The following KITLG variants were observed in gnomAD, a reference collection of about 807,000 sequenced individuals.
The protein encoded by KITLG is c-Kit ligand.
A neutral mutation model predicts 34.1 loss-of-function variants in KITLG; 13 were observed. The ratio of observed to expected loss-of-function variants is 0.38; its 90% CI spans 0.25 to 0.61. KITLG has a LOEUF of 0.61. Ranked by LOEUF, KITLG falls within the 20% of genes least tolerant of loss-of-function variation. The probability of loss-of-function intolerance (pLI) is 0.60; values close to 1 mark genes in which losing one functional copy is unlikely to be tolerated. For synonymous variants in KITLG, 110 were observed against 104.0 expected (o/e 1.06, Z -0.35); for missense variants, 292 against 318.9 (o/e 0.92, Z 0.64).
At chr12:88,564,154 G>T (rs1871374195) in intron 1 of KITLG, 1 of 152,016 alleles carries the variant, frequency 6.6e-6, no homozygotes, top group Non-Finnish European at 1.5e-5. Context: ...GGTAGACTTG[G>T]GAAGATTATT....
intron 1 of KITLG, among the ~76,000 whole-genome samples, chr12:88,557,620 C>G (rs1451384385): frequency 6.6e-6 from 1 of 152,084 alleles, no homozygotes; most frequent in Non-Finnish European, 1.5e-5. Context: ...ACTAAAAACG[C>G]CATTTCTCAG....
intron 6 of KITLG, among the ~76,000 whole-genome samples, chr12:88,510,632 C>A (rs776009334): frequency 6.6e-6 from 1 of 152,184 alleles, no homozygotes; most frequent in African/African-American, 2.4e-5. Context: ...TTTAAACATT[C>A]TCTTTGCTTA....
At chr12:88,545,557 C>A (rs915793527) in intron 2 of KITLG, among the ~76,000 whole-genome samples, 195 bp downstream of exon 2, 3 of 152,148 alleles carry the variant, frequency 2.0e-5, no homozygotes, top group African/African-American at 7.2e-5. Flanking sequence ...CCAGTTTTAC[C>A]AACAAATTAT....
At chr12:88,557,134 T>C (rs147882411) in intron 1 of KITLG, among the ~76,000 whole-genome samples, 41 of 151,802 alleles carry the variant, frequency 2.7e-4, no homozygotes, top group African/African-American at 9.4e-4. Flanking sequence ...CCTGAAAGAG[T>C]GGGACTAAAA....
At chr12:88,515,240 AAT>A (rs972117201) in intron 6 of KITLG, among the ~76,000 whole-genome samples, 1 of 151,822 alleles carries the variant, frequency 6.6e-6, no homozygotes, top group Non-Finnish European at 1.5e-5. Context: ...TTCCACACAG[AAT>A]ATATGTTAAT....
chr12:88,557,709 G>T lies in KITLG; in HGVS notation c.16-11844C>A, dbSNP rs564191829. ...GTGTGTATTTTCAAAGAAATAAGAC[G>T]AGCAGACCTCCCCCAACACCGGCCA... On this transcript the variant is annotated intron_variant, in intron 1 of 9. Transcript: ENST00000644744. Among the ~76,000 whole-genome samples, 4 of 152,214 alleles carry T rather than the reference G, an allele frequency of 2.6e-5. No individual in the cohort carries two copies. In the South Asian group the frequency reaches 8.3e-4, roughly 32 times the overall value.
At chr12:88,578,782 C>T (rs1355493079) in intron 1 of KITLG, among the ~76,000 whole-genome samples, 1 of 152,204 alleles carries the variant, frequency 6.6e-6, no homozygotes, top group African/African-American at 2.4e-5. Context: ...ATCTCACCAC[C>T]ATCCATGGGA....
rs146491380 is a variant in KITLG at position 88,541,866 on chromosome 12, G to A, written c.129+3886C>T. Among the ~76,000 whole-genome samples, 432 of 152,298 alleles carry A rather than the reference G, an allele frequency of 2.8e-3. 1 individual carries two copies. Among genetic ancestry groups the A allele is most frequent in the African/African-American group, 0.01 (421 of 41,570 alleles). ...CATAAATCATGGGCTTCTGTGACATGAGAATCACTTCAAGCAAAAAAACTT... is the reference window on the plus strand; with the variant it reads ...CATAAATCATGGGCTTCTGTGACATAAGAATCACTTCAAGCAAAAAAACTT... On this transcript the variant is annotated intron_variant, in intron 2 of 9. Coordinates refer to ENST00000644744, the MANE Select transcript of KITLG (RefSeq NM_000899.5).
intron 1 of KITLG, among the ~76,000 whole-genome samples, chr12:88,548,237 C>T (rs563482163): frequency 5.9e-5 from 9 of 152,070 alleles, no homozygotes; most frequent in South Asian, 2.1e-4. Flanking sequence ...GGGCGGATCA[C>T]GAGGTCAGGA....
intron 9 of KITLG, among the ~76,000 whole-genome samples, chr12:88,497,605 CTTAG>C (rs1244742483): frequency 1.3e-5 from 2 of 152,098 alleles, no homozygotes; most frequent in African/African-American, 4.8e-5. Context: ...TAATTATCAA[CTTAG>C]TTAGCTTTGA....
At chr12:88,538,784 G>A (rs936893529) in intron 2 of KITLG, among the ~76,000 whole-genome samples, 3 of 152,034 alleles carry the variant, frequency 2.0e-5, no homozygotes, top group East Asian at 1.9e-4. Flanking sequence ...ATTAATTGAC[G>A]GAAAATTTTA....
chr12:88,536,628 A>G (rs1256397768), intron 2 of KITLG, among the ~76,000 whole-genome samples: 15 of 152,250 alleles, frequency 9.9e-5, no homozygotes, highest in Admixed American at 9.8e-4. Context: ...AATGTGGCAC[A>G]TATACAGCAT....
intron 9 of KITLG, among the ~76,000 whole-genome samples, chr12:88,504,404 A>T (rs547279651): frequency 3.9e-5 from 6 of 152,332 alleles, no homozygotes; most frequent in African/African-American, 1.4e-4. Flanking sequence ...AAGAACTTAA[A>T]CAAATTTACA....
chr12:88,495,739 G>A lies in KITLG; in HGVS notation c.*1480C>T, dbSNP rs1046422909. 1 of 152,176 alleles carries A rather than the reference G, an allele frequency of 6.6e-6. No homozygotes were observed. The highest frequency in any genetic ancestry group is 6.6e-5 in the Admixed American group (1 of 15,218). 9.4% of individuals were successfully genotyped at this position (152,176 alleles called of 1,614,324 possible). On this transcript the variant is annotated 3_prime_UTR_variant, in exon 10 of 10. Transcript: ENST00000644744. ...ACTACATTGAAAACTGTCATCTTAC[G>A]GTTGTAGAACATGGCAATAATGTTA...
chr12:88,507,497 C>T lies in KITLG; in HGVS notation c.605-360G>A, dbSNP rs144039437. Among the ~76,000 whole-genome samples, 197 of 152,308 alleles carry T rather than the reference C, an allele frequency of 1.3e-3. 1 individual carries two copies. Among genetic ancestry groups the T allele is most frequent in the South Asian group, 4.6e-3 (22 of 4,828 alleles). On this transcript the variant is annotated intron_variant, in intron 6 of 9. Transcript: ENST00000644744. ...ATCTTCTAAAATCTTTTTGCTTTCT[C>T]ACTCTTGACAGCTTGCTCAGAAATT...
At chr12:88,547,304 C>T (rs901858068) in intron 1 of KITLG, among the ~76,000 whole-genome samples, 1 of 152,118 alleles carries the variant, frequency 6.6e-6, no homozygotes, top group African/African-American at 2.4e-5. Flanking sequence ...TCTAAAACTA[C>T]AATGCTAATT....
chr12:88,498,530 G>A (rs1047975310), intron 9 of KITLG, among the ~76,000 whole-genome samples: 1 of 152,062 alleles, frequency 6.6e-6, no homozygotes, highest in Admixed American at 6.6e-5. Context: ...AAAGCAAAAG[G>A]ATGTATTTTT....
intron 1 of KITLG, among the ~76,000 whole-genome samples, chr12:88,572,159 G>A (rs1871672406): frequency 6.6e-6 from 1 of 152,110 alleles, no homozygotes; most frequent in Non-Finnish European, 1.5e-5. Context: ...GAATCATTAT[G>A]TGTGACATTT....
In KITLG at chr12:88,493,958, A is replaced by G. The variant is rs1395783015; in HGVS notation, c.*3261T>C. On this transcript the variant is annotated 3_prime_UTR_variant, in exon 10 of 10. Transcript: ENST00000644744. ...TACATTAGAAACAAGAACAGCAATG[A>G]CTTTTTATGGTCAAGATACTTATTC... 6.6e-6 allele frequency: 1 copy of G among 151,916 alleles called. No homozygotes were observed. Among genetic ancestry groups the G allele is most frequent in the East Asian group, 1.9e-4 (1 of 5,190 alleles). The allele number at this position is 151,916 out of a possible 1,614,324, so 9.4% of individuals were successfully genotyped here. A position where few individuals can be genotyped will look rare whatever the true frequency, so the allele number is the denominator to read the frequency against.
Sources: gnomAD v4.1 joint callset for allele counts (sites outside exome capture counted in the v4.1 genomes callset) on GRCh38, gnomAD v4.1.1 for gene constraint, MANE v1.5 for transcripts, NCBI Gene and HGNC (gene_info 2026-07-23, HGNC 2026-07-21) for gene names.